Variants in SKI observed in about 807,000 individuals in gnomAD.
SKI encodes the protein ski oncogene.
A neutral mutation model predicts 59.3 loss-of-function variants in SKI; 23 were observed. The ratio of observed to expected loss-of-function variants is 0.39; its 90% CI spans 0.28 to 0.55. The LOEUF (loss-of-function observed/expected upper bound fraction) is 0.55. Among genes scored for constraint, SKI ranks in the 20% least tolerant of loss-of-function variants. The pLI is 0.67. For synonymous variants in SKI, 673 were observed against 488.6 expected (o/e 1.38, Z -4.98); for missense variants, 1,017 against 1,038.9 (o/e 0.98, Z 0.29).
At chr1:2,235,282 T>C (rs1429038232) in intron 1 of SKI, among the ~76,000 whole-genome samples, 1 of 152,158 alleles carries the variant, frequency 6.6e-6, no homozygotes, top group African/African-American at 2.4e-5. Flanking sequence ...GACCTCAAGT[T>C]ATCTGCCCAC....
intron 1 of SKI, among the ~76,000 whole-genome samples, chr1:2,290,806 C>A (rs1056945716): frequency 4.6e-5 from 7 of 152,206 alleles, no homozygotes; most frequent in African/African-American, 1.7e-4. Flanking sequence ...ATTGTCACCC[C>A]CTCCTGCCGC....
At chr1:2,305,560 C>T (rs1315252428) in intron 5 of SKI, among the ~76,000 whole-genome samples, 3 of 152,160 alleles carry the variant, frequency 2.0e-5, no homozygotes, top group Non-Finnish European at 4.4e-5. Flanking sequence ...GTGAGTCACA[C>T]GGATATTTTA....
At chr1:2,266,665 C>T (rs749040357) in intron 1 of SKI, among the ~76,000 whole-genome samples, 65 of 152,188 alleles carry the variant, frequency 4.3e-4, no homozygotes, top group Non-Finnish European at 1.5e-4. Context: ...TGTGACTTCA[C>T]CTTGGCTGCA....
In SKI at chr1:2,229,777, G is replaced by T; in HGVS notation, c.969+42G>T. On this transcript the variant is annotated intron_variant, in intron 1 of 6. Transcript: ENST00000378536. This position sits in a 1 kb window ranked among gnomAD's most constrained non-coding sequence, Gnocchi z 6.3. The stretch of plus-strand genomic sequence containing the variant: ...CTGGGAGCTGGGGAGGATGCGCTTG[G>T]GGTGGGGGCCCCTTCTGGACTACAG... The T allele has an allele frequency of 2.6e-6, 4 of 1,549,838 alleles. No individual in the cohort carries two copies. The highest frequency in any genetic ancestry group is 3.5e-6 in the Non-Finnish European group (4 of 1,146,982).
chr1:2,299,343 G>C (rs912048006), intron 1 of SKI, among the ~76,000 whole-genome samples: 2 of 152,196 alleles, frequency 1.3e-5, no homozygotes, highest in South Asian at 4.1e-4. Context: ...AGGCCACAGT[G>C]GGGGAAGTGG....
chr1:2,304,492 C>G lies in SKI; in HGVS notation c.1674C>G (p.Ala558=). The change falls in exon 5 of 7, where the codon GCC becomes GCG. Residue 558 remains alanine, a synonymous_variant. Coordinates refer to ENST00000378536, the MANE Select transcript of SKI (RefSeq NM_003036.4). ...AGGGCGGCCTGGACACCAAGGAAGC[C>G]AAAGAGAAGTTCCTGCATGAGGTGG... ...ALEGGLDTKE[A]KEKFLHEVVK... is the part of the protein sequence containing the mutation. 1.3e-6 allele frequency: 2 copies of G among 1,579,682 alleles called. No homozygotes were observed. The highest frequency in any genetic ancestry group is 4.7e-5 in the East Asian group (2 of 42,456).
intron 1 of SKI, among the ~76,000 whole-genome samples, chr1:2,252,299 G>T (rs1639169791): frequency 6.6e-6 from 1 of 152,186 alleles, no homozygotes; most frequent in South Asian, 2.1e-4. Flanking sequence ...CAAGACCAGG[G>T]TTTGCTGTGG....
chr1:2,302,496 C>T (rs1262132557), intron 1 of SKI, among the ~76,000 whole-genome samples: 7 of 152,180 alleles, frequency 4.6e-5, no homozygotes, highest in East Asian at 3.9e-4. Flanking sequence ...CCTTCCCAGA[C>T]GCATCCGTCG....
intron 1 of SKI, among the ~76,000 whole-genome samples, chr1:2,302,312 T>C (rs1246299774): frequency 6.6e-6 from 1 of 152,136 alleles, no homozygotes; most frequent in Non-Finnish European, 1.5e-5. Flanking sequence ...CAAAGGTGTG[T>C]GTGGTGCCAT....
At chr1:2,287,655 G>C (rs76694021) in intron 1 of SKI, among the ~76,000 whole-genome samples, 234 of 152,168 alleles carry the variant, frequency 1.5e-3, no homozygotes, top group African/African-American at 5.5e-3. Flanking sequence ...GGGCTACGAG[G>C]GTCTGCCGCA....
At position 2,309,537 on chromosome 1, in the gene SKI, T is replaced by C. The variant is rs1022082567; in HGVS notation, c.*2772T>C. ...AGAAACTCTTTTCTTACCTGAGAGT[T>C]GTCTTGTTTTCTGGGCTGTTTTTAA... On this transcript the variant is annotated 3_prime_UTR_variant, in exon 7 of 7. Coordinates refer to ENST00000378536, the MANE Select transcript of SKI (RefSeq NM_003036.4). The C allele has an allele frequency of 3.3e-5, 5 of 152,142 alleles. No homozygotes were observed. Among genetic ancestry groups the C allele is most frequent in the Non-Finnish European group, 7.4e-5 (5 of 68,018 alleles). 9.4% of individuals were successfully genotyped at this position (152,142 alleles called of 1,614,324 possible).
intron 1 of SKI, among the ~76,000 whole-genome samples, chr1:2,239,139 A>G (rs757689704): frequency 5.9e-5 from 9 of 152,266 alleles, no homozygotes; most frequent in Non-Finnish European, 7.3e-5. Context: ...AATGTAGTCA[A>G]TTAAGCGAGG....
chr1:2,258,539 C>G (rs1188674100), intron 1 of SKI, among the ~76,000 whole-genome samples: 1 of 137,604 alleles, frequency 7.3e-6, no homozygotes, highest in Admixed American at 7.5e-5. Context: ...GTGGCTTGGT[C>G]GGGGAACTCA....
chr1:2,299,004 G>T (rs553040399), intron 1 of SKI, among the ~76,000 whole-genome samples: 1 of 152,348 alleles, frequency 6.6e-6, no homozygotes, highest in South Asian at 2.1e-4. Flanking sequence ...GTGGGTGGAT[G>T]CCGGGTGGTC....
rs998931386 is a variant in SKI at position 2,303,377 on chromosome 1, C to T, written c.1188C>T (p.His396=). 4.3e-6 allele frequency: 7 copies of T among 1,613,200 alleles called. 1 individual carries two copies. In the South Asian group the frequency reaches 6.6e-5, roughly 15 times the overall value. Residue 396 remains histidine, a synonymous_variant, in exon 3 of 7, where the codon CAC becomes CAT. Transcript: ENST00000378536. This position sits in a 1 kb window ranked among gnomAD's most constrained non-coding sequence, Gnocchi z 5.6. ...VSASEKELSP[H]LPALIRDSFY... ...CGAGTGAGAAAGAGCTCTCCCCACA[C>T]CTCCCGGCCCTCATCCGAGACAGGT... is the stretch of plus-strand genomic sequence containing the variant.
rs558139594 is a variant in SKI at position 2,273,440 on chromosome 1, G to T, written c.970-29538G>T. ...CACAGGGCTGAGATGGGACTTCTCA[G>T]CTTGGCATGGGGAGGGCAGGACGGG... On this transcript the variant is annotated intron_variant, in intron 1 of 6. Coordinates refer to ENST00000378536, the MANE Select transcript of SKI (RefSeq NM_003036.4). Among the ~76,000 whole-genome samples the T allele has an allele frequency of 2.0e-4, 30 of 152,328 alleles. No individual in the cohort carries two copies. In the East Asian group the frequency reaches 5.4e-3, roughly 27 times the overall value.
intron 1 of SKI, among the ~76,000 whole-genome samples, chr1:2,277,939 G>T (rs763760393): frequency 5.9e-5 from 9 of 151,592 alleles, no homozygotes; most frequent in Non-Finnish European, 1.3e-4. Flanking sequence ...GTACACACAT[G>T]CACCAGCACC....
chr1:2,293,429 C>A (rs1197081692), intron 1 of SKI, among the ~76,000 whole-genome samples: 1 of 150,838 alleles, frequency 6.6e-6, no homozygotes, highest in Non-Finnish European at 1.5e-5. Context: ...AGGGCGAGGC[C>A]CCCCCCCAAC....
intron 1 of SKI, among the ~76,000 whole-genome samples, chr1:2,290,456 T>G (rs905653120): frequency 6.6e-6 from 1 of 152,294 alleles, no homozygotes; most frequent in Admixed American, 6.5e-5. Flanking sequence ...TGCACGTGTT[T>G]CTGGGCATCT....
Sources: allele counts gnomAD v4.1 joint callset (sites outside exome capture counted in the v4.1 genomes callset), GRCh38; gene constraint gnomAD v4.1.1; non-coding constraint Gnocchi (gnomAD v3.1); transcripts MANE v1.5; gene names NCBI Gene and HGNC (gene_info 2026-07-23, HGNC 2026-07-21).